The following LRRC72 variants were observed in gnomAD, a reference collection of about 807,000 sequenced individuals.
LRRC72 encodes leucine-rich repeat-containing protein 72.
In LRRC72, 41 loss-of-function variants were observed where a neutral mutation model predicts 35.8. That is an observed-to-expected ratio of 1.15 (90% CI 0.89 to 1.49). The LOEUF is 1.49. Among genes scored for constraint, LRRC72 ranks in the 40% most tolerant of loss-of-function variants. The pLI is 0.00. For missense variants in LRRC72, 389 were observed against 330.7 expected, an observed-to-expected ratio of 1.18 and a Z score of -1.37; for synonymous variants, 118 against 119.2, an observed-to-expected ratio of 0.99 and a Z score of 0.07.
chr7:16,544,596 C>T (rs1782412772), intron 3 of LRRC72, among the ~76,000 whole-genome samples: 5 of 152,156 alleles, frequency 3.3e-5, no homozygotes. Flanking sequence ...TTGAGTTAGG[C>T]TCAGATAAAT....
rs757279340 is a variant in LRRC72 at position 16,581,524 on chromosome 7, G to C, written c.*35G>C. 1.4e-6 allele frequency: 2 copies of C among 1,453,356 alleles called. No individual in the cohort carries two copies. Among genetic ancestry groups the C allele is most frequent in the East Asian group, 2.6e-5 (1 of 38,402 alleles). 90.0% of individuals were successfully genotyped at this position (1,453,356 alleles called of 1,614,324 possible). A position where few individuals can be genotyped will look rare whatever the true frequency, so the allele number is the denominator to read the frequency against. On this transcript the variant is annotated 3_prime_UTR_variant, in exon 9 of 9. Coordinates refer to ENST00000401542, the MANE Select transcript of LRRC72 (RefSeq NM_001195280.2). The stretch of plus-strand genomic sequence containing the variant: ...TTTCTAGATATCTTAGTGGTTTTCA[G>C]TTGTATATTAAACTTCCCTGTGACT...
In LRRC72 at chr7:16,526,905, G is replaced by C. The variant is rs1288060219; in HGVS notation, c.-48G>C. 6.9e-7 allele frequency: 1 copy of C among 1,459,410 alleles called. No homozygotes were observed. Among genetic ancestry groups the C allele is most frequent in the South Asian group, 1.2e-5 (1 of 82,324 alleles). 90.4% of individuals were successfully genotyped at this position (1,459,410 alleles called of 1,614,324 possible). On this transcript the variant is annotated 5_prime_UTR_variant, in exon 1 of 9. Transcript: ENST00000401542. The stretch of plus-strand genomic sequence containing the variant: ...CAAGTCTCTCTTCGGTGCCACCGGC[G>C]GGCGAGGCCGGATTAATCACCGCTG...
chr7:16,539,140 C>G (rs1268763977), intron 3 of LRRC72, among the ~76,000 whole-genome samples: 1 of 152,192 alleles, frequency 6.6e-6, no homozygotes, highest in Non-Finnish European at 1.5e-5. Context: ...TTCCTAGAGA[C>G]TTGTTGAATG....
In LRRC72 at chr7:16,581,458, C is replaced by T. The variant is rs1423097136; in HGVS notation, c.833C>T (p.Thr278Ile). 2.6e-6 allele frequency: 4 copies of T among 1,549,846 alleles called. No individual in the cohort carries two copies. The East Asian group carries it at 7.3e-5, about 28-fold the overall frequency. The change falls in exon 9 of 9, where the codon ACA becomes ATA. Residue 278 changes from threonine to isoleucine, a missense_variant. Thr to Ile is a moderately conservative substitution (Grantham distance 89). Transcript: ENST00000401542. Reference sequence around the variant, plus strand: ...TACCTTGAAGAGGAAGGCACAGAAACAGCTCAAATGCTCACAGTTACACTG... The same window carrying T: ...TACCTTGAAGAGGAAGGCACAGAAATAGCTCAAATGCTCACAGTTACACTG... ...ERYLEEEGTE[T>I]AQMLTVTLR
In LRRC72 at chr7:16,526,911, G is replaced by C. The variant is rs1298692436; in HGVS notation, c.-42G>C. The C allele has an allele frequency of 6.7e-7, 1 of 1,495,662 alleles. No homozygotes were observed. Among genetic ancestry groups the C allele is most frequent in the Non-Finnish European group, 9.0e-7 (1 of 1,109,166 alleles). The allele number at this position is 1,495,662 out of a possible 1,614,324, so 92.6% of individuals were successfully genotyped here. On this transcript the variant is annotated 5_prime_UTR_variant, in exon 1 of 9. Coordinates refer to ENST00000401542, the MANE Select transcript of LRRC72 (RefSeq NM_001195280.2). ...TCTCTTCGGTGCCACCGGCGGGCGA[G>C]GCCGGATTAATCACCGCTGCTTCGG...
chr7:16,526,926 C>A lies in LRRC72; in HGVS notation c.-27C>A. ...CGGCGGGCGAGGCCGGATTAATCAC[C>A]GCTGCTTCGGCCGCCCATGTGTCCT... is the stretch of plus-strand genomic sequence containing the variant. On this transcript the variant is annotated 5_prime_UTR_variant, in exon 1 of 9. Coordinates refer to ENST00000401542, the MANE Select transcript of LRRC72 (RefSeq NM_001195280.2). The A allele has an allele frequency of 3.3e-6, 5 of 1,530,548 alleles. No homozygotes were observed. Among genetic ancestry groups the A allele is most frequent in the African/African-American group, 1.4e-5 (1 of 72,978 alleles). The allele number at this position is 1,530,548 out of a possible 1,614,324, so 94.8% of individuals were successfully genotyped here.
Position 16,532,564 on chromosome 7 carries a change from A to G in LRRC72, c.160A>G (p.Lys54Glu), listed in dbSNP as rs1782187223. Residue 54 changes from lysine (K) to glutamate (E), a missense_variant, in exon 2 of 9, where the codon AAA becomes GAA. Physicochemically the swap from Lys to Glu is moderately conservative, Grantham distance 56. Transcript: ENST00000401542. ...DADVFELFLS[K>E]KELTEVIDLS... Reference sequence around the variant, plus strand: ...TGATGTCTTTGAGCTGTTCCTTTCTAAAAAGTAAGTGTACTTAACATAAAA... The same window carrying G: ...TGATGTCTTTGAGCTGTTCCTTTCTGAAAAGTAAGTGTACTTAACATAAAA... 6.5e-7 allele frequency: 1 copy of G among 1,545,692 alleles called. No individual in the cohort carries two copies. The highest frequency in any genetic ancestry group is 2.0e-5 in the Admixed American group (1 of 50,976).
intron 5 of LRRC72, among the ~76,000 whole-genome samples, chr7:16,560,733 G>A (rs1223792527): frequency 2.0e-5 from 3 of 150,398 alleles, no homozygotes; most frequent in African/African-American, 4.9e-5. Flanking sequence ...TTATTTTGAA[G>A]CAACAACAAA....
chr7:16,550,721 C>G (rs779504263), intron 3 of LRRC72, among the ~76,000 whole-genome samples: 2 of 152,192 alleles, frequency 1.3e-5, no homozygotes, highest in East Asian at 3.8e-4. Context: ...TGAATTTTCA[C>G]TAAGGAAATG....
intron 8 of LRRC72, 97 bp downstream of exon 8, chr7:16,580,198 TA>T: frequency 4.8e-6 from 1 of 206,402 alleles, no homozygotes; most frequent in Non-Finnish European, 1.1e-5. Context: ...TTTAATGAAT[TA>T]AAAAATGACT....
intron 1 of LRRC72, among the ~76,000 whole-genome samples, chr7:16,532,212 A>T (rs1031459981): frequency 3.3e-5 from 5 of 149,780 alleles, no homozygotes; most frequent in South Asian, 2.1e-4. Context: ...CATACAGAAT[A>T]AAAAAAACTT....
At chr7:16,553,567 C>A (rs1782593024) in intron 3 of LRRC72, among the ~76,000 whole-genome samples, 1 of 152,200 alleles carries the variant, frequency 6.6e-6, no homozygotes, top group South Asian at 2.1e-4. Flanking sequence ...CATTTCTCAA[C>A]TGAGAGTGTT....
rs186479787 is a variant in LRRC72 at position 16,576,231 on chromosome 7, C to G, written c.671-3843C>G. Among the ~76,000 whole-genome samples the G allele has an allele frequency of 3.8e-3, 581 of 152,234 alleles. 3 individuals carry two copies. Among genetic ancestry groups the G allele is most frequent in the Admixed American group, 0.012 (187 of 15,288 alleles). ...AATTAAGCAAACATTTGTAATAAAA[C>G]TAATAAAACGCGCTATGTAAATTTT... On this transcript the variant is annotated intron_variant, in intron 7 of 8. Transcript: ENST00000401542.
intron 7 of LRRC72, among the ~76,000 whole-genome samples, chr7:16,568,970 A>T (rs973555820): frequency 8.5e-5 from 13 of 152,252 alleles, no homozygotes; most frequent in Non-Finnish European, 1.8e-4. Flanking sequence ...AAGAAGAATG[A>T]GGACAAAATT....
At chr7:16,575,671 T>G (rs769882463) in intron 7 of LRRC72, among the ~76,000 whole-genome samples, 2 of 152,238 alleles carry the variant, frequency 1.3e-5, no homozygotes, top group Non-Finnish European at 2.9e-5. Flanking sequence ...TGAACTATTG[T>G]GTTAATCAGC....
intron 2 of LRRC72, 25 bp downstream of exon 2, chr7:16,532,593 G>T (rs1782187560): frequency 2.1e-6 from 3 of 1,438,348 alleles, no homozygotes; most frequent in African/African-American, 1.4e-5. Context: ...CATAAAAAAT[G>T]AAAGAGTATC....
intron 2 of LRRC72, among the ~76,000 whole-genome samples, chr7:16,535,104 G>A (rs753424079): frequency 2.6e-5 from 4 of 151,814 alleles, no homozygotes; most frequent in Non-Finnish European, 5.9e-5. Context: ...TGGGAGGATC[G>A]CATGAACCTA....
chr7:16,545,535 A>G (rs1782430073), intron 3 of LRRC72, among the ~76,000 whole-genome samples: 1 of 152,206 alleles, frequency 6.6e-6, no homozygotes, highest in African/African-American at 2.4e-5. Context: ...ATTTATACAT[A>G]CAATACCTTG....
intron 3 of LRRC72, among the ~76,000 whole-genome samples, chr7:16,541,692 T>C (rs894440393): frequency 6.6e-6 from 1 of 152,154 alleles, no homozygotes; most frequent in African/African-American, 2.4e-5. Flanking sequence ...GGCGAATGGA[T>C]CACAATGTCA....
Sources: gnomAD v4.1 joint callset for allele counts (sites outside exome capture counted in the v4.1 genomes callset) on GRCh38, gnomAD v4.1.1 for gene constraint, MANE v1.5 for transcripts, NCBI Gene and HGNC (gene_info 2026-07-23, HGNC 2026-07-21) for gene names.